The following EPHA6 variants were observed in gnomAD, a reference collection of about 807,000 sequenced individuals.
EPHA6 encodes EPH receptor A6, also known as ephrin type-A receptor 6.
In EPHA6, 50 loss-of-function variants were observed where a neutral mutation model predicts 112.0. The observed-to-expected ratio is 0.45, with a 90% CI of 0.36 to 0.56. The LOEUF (loss-of-function observed/expected upper bound fraction) is 0.56. Ranked by LOEUF, EPHA6 falls within the 20% of genes least tolerant of loss-of-function variation. The pLI is 0.00. For missense variants in EPHA6, 1,280 were observed against 1,417.4 expected (o/e 0.90, Z 1.56); for synonymous variants, 529 against 490.7 (o/e 1.08, Z -1.03).
chr3:97,103,960 T>C (rs1173575799), intron 3 of EPHA6, among the ~76,000 whole-genome samples: 1 of 152,086 alleles, frequency 6.6e-6, no homozygotes, highest in Admixed American at 6.6e-5. Flanking sequence ...CTATTATTGA[T>C]ATATAGGAAT....
intron 16 of EPHA6, among the ~76,000 whole-genome samples, chr3:97,740,961 A>C (rs2107874606): frequency 6.6e-6 from 1 of 152,238 alleles, no homozygotes; most frequent in African/African-American, 2.4e-5. Flanking sequence ...GGCCAAAACC[A>C]GTGTTGAAAT....
At chr3:96,815,180 G>A (rs1237014167) in intron 1 of EPHA6, among the ~76,000 whole-genome samples, 172 bp downstream of exon 1, 1 of 152,118 alleles carries the variant, frequency 6.6e-6, no homozygotes, top group Non-Finnish European at 1.5e-5. Context: ...TACACCGCCC[G>A]GGACGGTGAC....
At chr3:97,358,648 G>T (rs918065346) in intron 5 of EPHA6, among the ~76,000 whole-genome samples, 1 of 151,616 alleles carries the variant, frequency 6.6e-6, no homozygotes, top group African/African-American at 2.4e-5. Flanking sequence ...CTTTTATTGA[G>T]ATTTTTTTTT....
At chr3:97,461,949 T>G (rs534447051) in intron 7 of EPHA6, among the ~76,000 whole-genome samples, 1 of 152,264 alleles carries the variant, frequency 6.6e-6, no homozygotes, top group Non-Finnish European at 1.5e-5. Context: ...CCAGAACTAC[T>G]CTCTCTACTG....
chr3:97,516,303 G>A (rs944434028), intron 10 of EPHA6, among the ~76,000 whole-genome samples: 10 of 152,260 alleles, frequency 6.6e-5, no homozygotes, highest in Non-Finnish European at 1.2e-4. Context: ...TGACAAATGC[G>A]TTGGTCTACT....
chr3:97,015,053 A>C (rs766503547), intron 3 of EPHA6, among the ~76,000 whole-genome samples: 4 of 152,222 alleles, frequency 2.6e-5, no homozygotes, highest in Non-Finnish European at 5.9e-5. Flanking sequence ...AATTATTGAC[A>C]CAAGTTTTAT....
intron 11 of EPHA6, among the ~76,000 whole-genome samples, chr3:97,568,916 A>T (rs961436803): frequency 6.6e-6 from 1 of 152,190 alleles, no homozygotes; most frequent in Non-Finnish European, 1.5e-5. Context: ...ATTAATAGGA[A>T]ACATCAAGGC....
chr3:97,007,950 G>A (rs1197192001), intron 3 of EPHA6, among the ~76,000 whole-genome samples: 3 of 152,178 alleles, frequency 2.0e-5, no homozygotes, highest in Non-Finnish European at 4.4e-5. Context: ...CTTCTTGCTT[G>A]TAGGGTTTCT....
chr3:97,235,470 T>C (rs2078651473), intron 4 of EPHA6, among the ~76,000 whole-genome samples: 1 of 152,084 alleles, frequency 6.6e-6, no homozygotes, highest in Non-Finnish European at 1.5e-5. Flanking sequence ...AGTTCTACTT[T>C]TTAGCATTTC....
chr3:96,913,172 A>G (rs1452663849), intron 2 of EPHA6, among the ~76,000 whole-genome samples: 3 of 122,274 alleles, frequency 2.5e-5, no homozygotes, highest in African/African-American at 1.2e-4. Flanking sequence ...ACACACACAC[A>G]CACACACACA....
chr3:96,941,249 A>T (rs1264194589), intron 2 of EPHA6, among the ~76,000 whole-genome samples: 1 of 152,042 alleles, frequency 6.6e-6, no homozygotes, highest in African/African-American at 2.4e-5. Context: ...TCAGTCGTAG[A>T]TTTGTTCTTT....
chr3:97,659,084 A>G (rs1295791676), intron 14 of EPHA6, among the ~76,000 whole-genome samples: 3 of 152,002 alleles, frequency 2.0e-5, no homozygotes, highest in Admixed American at 6.6e-5. Flanking sequence ...GGAAGGAGCA[A>G]ATGAAATTGT....
chr3:97,062,347 T>TA (rs144944104), intron 3 of EPHA6, among the ~76,000 whole-genome samples: 22,361 of 152,014 alleles, frequency 0.15, 1,895 homozygotes, highest in Non-Finnish European at 0.2. Context: ...TAAAGATGAC[T>TA]AAATAGCAGA....
intron 2 of EPHA6, among the ~76,000 whole-genome samples, chr3:96,885,107 G>GT (rs896970281): frequency 6.6e-6 from 1 of 152,152 alleles, no homozygotes; most frequent in Non-Finnish European, 1.5e-5. Context: ...TTTTTGATAT[G>GT]TTGTTGGATT....
At chr3:97,221,414 T>G (rs1235665275) in intron 3 of EPHA6, among the ~76,000 whole-genome samples, 1 of 151,442 alleles carries the variant, frequency 6.6e-6, no homozygotes, top group Non-Finnish European at 1.5e-5. Context: ...TTAGATAACC[T>G]GTAACTTTCC....
chr3:97,695,248 G>A (rs891512921), intron 14 of EPHA6, among the ~76,000 whole-genome samples: 31 of 152,144 alleles, frequency 2.0e-4, no homozygotes, highest in African/African-American at 7.2e-4. Context: ...TAGGGTTAGT[G>A]ATATTCCAGT....
At chr3:97,562,049 T>C (rs2093200249) in intron 11 of EPHA6, among the ~76,000 whole-genome samples, 1 of 152,164 alleles carries the variant, frequency 6.6e-6, no homozygotes, top group Non-Finnish European at 1.5e-5. Flanking sequence ...TTCAAAATAA[T>C]ACTGCTCATT....
rs141447384 is a variant in EPHA6, at chr3:97,595,677, A to AAGAGGAGAGG, written c.2512+2957_2512+2966dup. Among the ~76,000 whole-genome samples the AAGAGGAGAGG allele has an allele frequency of 4.7e-5, 7 of 150,236 alleles. No individual in the cohort carries two copies. In the East Asian group the frequency reaches 1.4e-3, roughly 30 times the overall value. On this transcript the variant is annotated intron_variant, in intron 12 of 17. Coordinates refer to ENST00000389672, the MANE Select transcript of EPHA6 (RefSeq NM_001080448.3). ...GAAAAAAAAGGAAATCACAGGAGAG[A>AAGAGGAGAGG]AGAGGAGAGGAGAGGAGAGGAGAGG... is the stretch of plus-strand genomic sequence containing the variant.
intron 3 of EPHA6, among the ~76,000 whole-genome samples, chr3:97,043,705 G>A (rs2045399962): frequency 6.6e-6 from 1 of 152,066 alleles, no homozygotes; most frequent in South Asian, 2.1e-4. Context: ...AGCCAAGATA[G>A]GAAGCATCTA....
Sources: gnomAD v4.1 joint callset for allele counts (sites outside exome capture counted in the v4.1 genomes callset) on GRCh38, gnomAD v4.1.1 for gene constraint, MANE v1.5 for transcripts, NCBI Gene and HGNC (gene_info 2026-07-23, HGNC 2026-07-21) for gene names.